Variants in SCFD2 observed in about 807,000 individuals in gnomAD.
SCFD2 encodes the protein sec1 family domain-containing protein 2.
Under a neutral mutation model 58.9 loss-of-function variants are expected in SCFD2, and 54 were observed. That is an observed-to-expected ratio of 0.92 (90% CI 0.74 to 1.15). The LOEUF is 1.15. SCFD2 is among the 50% of genes most tolerant of loss of function. The probability of loss-of-function intolerance (pLI) is 0.00; values close to 1 mark genes in which losing one functional copy is unlikely to be tolerated. For synonymous variants in SCFD2, 321 were observed against 335.9 expected, an observed-to-expected ratio of 0.96 and a Z score of 0.49; for missense variants, 805 against 836.6, an observed-to-expected ratio of 0.96 and a Z score of 0.47.
intron 3 of SCFD2, among the ~76,000 whole-genome samples, chr4:53,294,199 G>C (rs1731942200): frequency 6.6e-6 from 1 of 152,142 alleles, no homozygotes; most frequent in Non-Finnish European, 1.5e-5. Context: ...TCTAGTTCTA[G>C]ATCCTTGAGG....
In SCFD2 at chr4:53,145,560, G is replaced by A. The variant is rs1359011458; in HGVS notation, c.1334C>T (p.Ser445Phe). 6.2e-7 allele frequency: 1 copy of A among 1,613,888 alleles called. No homozygotes were observed. The highest frequency in any genetic ancestry group is 1.7e-5 in the Admixed American group (1 of 59,998). Residue 445 changes from serine (S) to phenylalanine (F), a missense_variant, in exon 5 of 9, where the codon TCC (serine) becomes TTC (phenylalanine). Physicochemically the swap from Ser to Phe is radical, Grantham distance 155. Coordinates refer to ENST00000401642, the MANE Select transcript of SCFD2 (RefSeq NM_152540.4). ...GGGCAGCAGCTGATTTAACACAACG[G>A]ACATTGCTGACTCCCCAATGCTCTA... ...LLQSIGESAM[S>F]VVLNQLLPMI...
chr4:53,331,634 G>A (rs1007343684), intron 2 of SCFD2, among the ~76,000 whole-genome samples: 27 of 152,076 alleles, frequency 1.8e-4, no homozygotes, highest in African/African-American at 5.8e-4. Flanking sequence ...AATGCCCACA[G>A]GAGAAAGAAG....
At chr4:53,350,933 C>T (rs529002519) in intron 2 of SCFD2, among the ~76,000 whole-genome samples, 40 of 152,216 alleles carry the variant, frequency 2.6e-4, no homozygotes, top group Non-Finnish European at 4.7e-4. Flanking sequence ...TGGTCTCAAA[C>T]TCCTGACCTC....
intron 8 of SCFD2, among the ~76,000 whole-genome samples, chr4:52,883,757 T>A (rs1230661424): frequency 1.3e-5 from 2 of 152,194 alleles, no homozygotes; most frequent in Admixed American, 6.5e-5. Context: ...AGGCAATCAT[T>A]CATTAAACAG....
rs778555641 is a variant in SCFD2 at position 53,365,372 on chromosome 4, G to T, written c.570C>A (p.Ala190=). 5.6e-6 allele frequency: 9 copies of T among 1,614,174 alleles called. No homozygotes were observed. In the South Asian group the frequency reaches 9.9e-5, roughly 18 times the overall value. ...TTCCCAGCTTCCTCTTGTCCGGTCG[G>T]GCGCTATTAAGGAGGTGCACATCCT... ...LPQDVHLLNS[A]RPDKRKLGSL... Residue 190 remains alanine, a synonymous_variant, in exon 1 of 9, where the codon GCC becomes GCA. Transcript: ENST00000401642. This position sits in a 1 kb window ranked among gnomAD's most constrained non-coding sequence, Gnocchi z 4.3.
chr4:53,017,468 A>G (rs1289524598), intron 5 of SCFD2, among the ~76,000 whole-genome samples: 2 of 152,232 alleles, frequency 1.3e-5, no homozygotes, highest in East Asian at 3.8e-4. Context: ...TAGGTGCAAT[A>G]CAGGTTTTAT....
intron 6 of SCFD2, among the ~76,000 whole-genome samples, chr4:52,909,020 T>C (rs1024475226): frequency 5.3e-5 from 8 of 152,230 alleles, no homozygotes; most frequent in African/African-American, 1.9e-4. Context: ...GGAATTTTTT[T>C]TTAAATCAGA....
chr4:53,070,656 C>A (rs1723788933), intron 5 of SCFD2, among the ~76,000 whole-genome samples: 1 of 152,016 alleles, frequency 6.6e-6, no homozygotes, highest in Admixed American at 6.6e-5. Context: ...ACCAAATCTG[C>A]ATTTACTGGT....
intron 2 of SCFD2, among the ~76,000 whole-genome samples, chr4:53,320,717 T>C (rs1479542918): frequency 6.6e-6 from 1 of 152,248 alleles, no homozygotes; most frequent in Non-Finnish European, 1.5e-5. Flanking sequence ...CAGCAAAAGA[T>C]AAGTGAATAT....
intron 4 of SCFD2, among the ~76,000 whole-genome samples, chr4:53,255,579 C>G (rs901518543): frequency 1.3e-5 from 2 of 152,060 alleles, no homozygotes; most frequent in Admixed American, 6.5e-5. Context: ...TTTCTTAGTA[C>G]AGAAGAAAAT....
chr4:53,195,970 T>C (rs888957180), intron 4 of SCFD2, among the ~76,000 whole-genome samples: 21 of 152,288 alleles, frequency 1.4e-4, no homozygotes, highest in African/African-American at 4.3e-4. Context: ...CTCATTTTAT[T>C]GGACCAAATA....
chr4:53,271,311 A>C (rs1217667401), intron 4 of SCFD2, among the ~76,000 whole-genome samples: 4 of 150,528 alleles, frequency 2.7e-5, no homozygotes, highest in Non-Finnish European at 4.4e-5. Context: ...CAACACACAC[A>C]CACGCACACA....
chr4:52,921,233 C>T (rs913494321), intron 5 of SCFD2, among the ~76,000 whole-genome samples: 16 of 152,046 alleles, frequency 1.1e-4, no homozygotes, highest in Admixed American at 8.5e-4. Flanking sequence ...AAGGAAAATA[C>T]GAGAGACTGT....
intron 5 of SCFD2, among the ~76,000 whole-genome samples, chr4:53,033,877 C>A (rs1172150469): frequency 2.6e-5 from 4 of 152,142 alleles, no homozygotes; most frequent in African/African-American, 9.7e-5. Flanking sequence ...CGAATCCTAC[C>A]AGAGGTACAA....
intron 4 of SCFD2, among the ~76,000 whole-genome samples, chr4:53,224,052 A>G (rs1356607399): frequency 2.6e-5 from 4 of 151,998 alleles, no homozygotes; most frequent in African/African-American, 9.7e-5. Flanking sequence ...CCTTCATTCT[A>G]GCTAGTCAAT....
intron 8 of SCFD2, among the ~76,000 whole-genome samples, chr4:52,880,509 C>T (rs1718583799): frequency 1.3e-5 from 2 of 150,166 alleles, no homozygotes; most frequent in South Asian, 2.1e-4. Flanking sequence ...CCTAGCTACT[C>T]GGGAGGCTGA....
chr4:53,183,611 C>A (rs951749517), intron 4 of SCFD2, among the ~76,000 whole-genome samples: 150 of 151,716 alleles, frequency 9.9e-4, no homozygotes, highest in African/African-American at 3.5e-3. Context: ...ATGTAACAGA[C>A]CTGCACGTTG....
At chr4:53,202,247 C>T (rs1427033511) in intron 4 of SCFD2, among the ~76,000 whole-genome samples, 8 of 152,130 alleles carry the variant, frequency 5.3e-5, no homozygotes, top group East Asian at 1.9e-4. Context: ...TACATATGGC[C>T]AGCCAGTTTT....
At chr4:53,097,434 C>A (rs1724687511) in intron 5 of SCFD2, among the ~76,000 whole-genome samples, 1 of 152,098 alleles carries the variant, frequency 6.6e-6, no homozygotes, top group East Asian at 1.9e-4. Context: ...CCTTCACATC[C>A]CTTGTAAATT....
Sources: gnomAD v4.1 joint callset for allele counts (sites outside exome capture counted in the v4.1 genomes callset) on GRCh38, gnomAD v4.1.1 for gene constraint, Gnocchi (gnomAD v3.1) non-coding constraint, MANE v1.5 for transcripts, NCBI Gene and HGNC (gene_info 2026-07-23, HGNC 2026-07-21) for gene names.